Variants in PIGF observed in about 807,000 individuals in gnomAD.
The protein encoded by PIGF is GPI ethanolamine phosphate transferase, stabilizing subunit.
In PIGF, 23 loss-of-function variants were observed where a neutral mutation model predicts 26.0. The observed-to-expected ratio is 0.88, with a 90% CI of 0.64 to 1.25. The LOEUF (loss-of-function observed/expected upper bound fraction) is 1.25, where lower values mean the gene tolerates loss of function less well. Ranked by LOEUF, PIGF falls within the 50% of genes most tolerant of loss-of-function variation. The pLI, the probability that PIGF is intolerant of heterozygous loss-of-function variation, is 0.00. For missense variants in PIGF, 278 were observed against 249.9 expected (o/e 1.11, Z -0.76); for synonymous variants, 93 against 92.6 (o/e 1.00, Z -0.03).
At chr2:46,604,365 A>C (rs971453921) in intron 4 of PIGF, among the ~76,000 whole-genome samples, 2 of 152,046 alleles carry the variant, frequency 1.3e-5, no homozygotes, top group African/African-American at 2.4e-5. Flanking sequence ...TATATACCCA[A>C]AAGAAAGGAA....
chr2:46,588,342 T>C lies in PIGF; in HGVS notation c.546+4133A>G. 2 of 904,668 alleles carry C rather than the reference T, an allele frequency of 2.2e-6. No individual in the cohort carries two copies. The highest frequency in any genetic ancestry group is 2.8e-5 in the East Asian group (1 of 36,340). The allele number at this position is 904,668 out of a possible 1,614,324, so 56.0% of individuals were successfully genotyped here. ...AAACTGAGACAATTAACATATTCTC[T>C]AATATATGAGAACTCAAATAAATCA... On this transcript the variant is annotated intron_variant, in intron 5 of 5. Transcript: ENST00000281382. The surrounding 1 kb of genome is among the most constrained non-coding windows in gnomAD (Gnocchi z 4.1).
chr2:46,606,530 T>A (rs574119551), intron 4 of PIGF, among the ~76,000 whole-genome samples: 1 of 152,340 alleles, frequency 6.6e-6, no homozygotes, highest in East Asian at 1.9e-4. Context: ...TTTAGGTAAT[T>A]TTCAATGCTG....
chr2:46,593,859 A>C (rs1352372436), intron 4 of PIGF, among the ~76,000 whole-genome samples: 1 of 152,228 alleles, frequency 6.6e-6, no homozygotes, highest in Non-Finnish European at 1.5e-5. Flanking sequence ...CAAAATGTAC[A>C]CTGAATTTTA....
chr2:46,608,634 A>G (rs1020666168), intron 4 of PIGF, among the ~76,000 whole-genome samples: 1 of 152,252 alleles, frequency 6.6e-6, no homozygotes, highest in African/African-American at 2.4e-5. Flanking sequence ...CTTGAAAATC[A>G]AAATTACTCC....
intron 4 of PIGF, among the ~76,000 whole-genome samples, chr2:46,609,157 C>T (rs1670320033): frequency 6.6e-6 from 1 of 152,250 alleles, no homozygotes; most frequent in Non-Finnish European, 1.5e-5. Flanking sequence ...TAACTTGCTC[C>T]AGCTTCTACA....
At chr2:46,613,571 G>T in intron 3 of PIGF, 123 bp downstream of exon 3, 8 of 624,216 alleles carry the variant, frequency 1.3e-5, no homozygotes, top group Non-Finnish European at 1.6e-5. Flanking sequence ...AATGATGTTG[G>T]TGTCCTTACT....
At chr2:46,616,640 T>C (rs1670641156) in intron 1 of PIGF, 1 of 155,158 alleles carries the variant, frequency 6.4e-6, no homozygotes, top group Admixed American at 6.3e-5. Context: ...TTCGCGGGCA[T>C]CGCCGCACCT....
At chr2:46,607,905 C>T (rs1670276088) in intron 4 of PIGF, among the ~76,000 whole-genome samples, 2 of 152,132 alleles carry the variant, frequency 1.3e-5, no homozygotes, top group Admixed American at 1.3e-4. Flanking sequence ...ACCATGTTGG[C>T]CAGGCTGGTC....
chr2:46,600,412 C>G (rs1454952529), intron 4 of PIGF, among the ~76,000 whole-genome samples: 1 of 152,036 alleles, frequency 6.6e-6, no homozygotes, highest in African/African-American at 2.4e-5. Flanking sequence ...CAAAGATATA[C>G]CTAACAACAT....
At chr2:46,585,844 G>A (rs1331688683) in intron 5 of PIGF, among the ~76,000 whole-genome samples, 1 of 152,056 alleles carries the variant, frequency 6.6e-6, no homozygotes, top group Admixed American at 6.6e-5. Context: ...CACAATCTCG[G>A]CTCACTGCAA....
chr2:46,612,232 T>G lies in PIGF; in HGVS notation c.433A>C (p.Asn145His), dbSNP rs1333042075. The G allele has an allele frequency of 1.8e-6, 2 of 1,081,566 alleles. No homozygotes were observed. Among genetic ancestry groups the G allele is most frequent in the African/African-American group, 1.7e-5 (1 of 60,480 alleles). The allele number at this position is 1,081,566 out of a possible 1,614,324, so 67.0% of individuals were successfully genotyped here. A position where few individuals can be genotyped will look rare whatever the true frequency, so the allele number is the denominator to read the frequency against. Residue 145 changes from asparagine to histidine, a missense_variant, in exon 4 of 6, where the codon AAT becomes CAT. Physicochemically the swap from Asn to His is moderately conservative, Grantham distance 68. Transcript: ENST00000281382. Reference protein sequence around the residue: ...LKAWLRVFSRNGVTSIWENSL... With the variant: ...LKAWLRVFSRHGVTSIWENSL... ...TAATATAAAATTAAAACTTACCCAT[T>G]TCTACTGAACACTCTTAGCCATGCT...
In PIGF at chr2:46,588,278, A is replaced by G; in HGVS notation, c.546+4197T>C. 1 of 1,457,050 alleles carries G rather than the reference A, an allele frequency of 6.9e-7. No individual in the cohort carries two copies. The allele number at this position is 1,457,050 out of a possible 1,614,324, so 90.3% of individuals were successfully genotyped here. A position where few individuals can be genotyped will look rare whatever the true frequency, so the allele number is the denominator to read the frequency against. ...AATAGATAAATTAACAGTCCACTCT[A>G]CCAACTGAAAGACTGCTGGGCAGAA... On this transcript the variant is annotated intron_variant, in intron 5 of 5. Coordinates refer to ENST00000281382, the MANE Select transcript of PIGF (RefSeq NM_002643.4). The surrounding 1 kb of genome is among the most constrained non-coding windows in gnomAD (Gnocchi z 4.1).
At chr2:46,602,809 T>C (rs543584899) in intron 4 of PIGF, among the ~76,000 whole-genome samples, 12 of 152,006 alleles carry the variant, frequency 7.9e-5, no homozygotes, top group African/African-American at 2.9e-4. Context: ...ACAATCTCCT[T>C]GAATAATAAT....
intron 4 of PIGF, among the ~76,000 whole-genome samples, chr2:46,599,346 T>A (rs1669986960): frequency 6.6e-6 from 1 of 152,192 alleles, no homozygotes; most frequent in Admixed American, 6.5e-5. Flanking sequence ...AACTGGAGAA[T>A]CCCTTCATTT....
chr2:46,616,878 C>T, intron 1 of PIGF, 92 bp downstream of exon 1: 1 of 321,100 alleles, frequency 3.1e-6, no homozygotes, highest in Non-Finnish European at 5.9e-6. Flanking sequence ...GCCGGCGGGT[C>T]GGGGCGCCAA....
intron 5 of PIGF, chr2:46,592,010 C>A: frequency 7.8e-7 from 1 of 1,274,074 alleles, no homozygotes; most frequent in Non-Finnish European, 1.0e-6. Context: ...CAATAAATAT[C>A]AAAGTTGAAA....
At chr2:46,605,698 A>G (rs1387859770) in intron 4 of PIGF, among the ~76,000 whole-genome samples, 2 of 152,054 alleles carry the variant, frequency 1.3e-5, no homozygotes, top group East Asian at 3.9e-4. Context: ...ATCCTCAATT[A>G]CTGGAGTCGT....
intron 4 of PIGF, among the ~76,000 whole-genome samples, chr2:46,595,548 G>A (rs965520297): frequency 1.3e-5 from 2 of 152,154 alleles, no homozygotes; most frequent in African/African-American, 4.8e-5. Flanking sequence ...TATGAATAAT[G>A]TTGCTATGAA....
chr2:46,594,537 T>G (rs1669821098), intron 4 of PIGF, among the ~76,000 whole-genome samples: 1 of 13,862 alleles, frequency 7.2e-5, no homozygotes, highest in Admixed American at 9.5e-4. Flanking sequence ...AGAGTTAGGA[T>G]TTTTTTTTTT....
Sources: allele counts gnomAD v4.1 joint callset (sites outside exome capture counted in the v4.1 genomes callset), GRCh38; gene constraint gnomAD v4.1.1; non-coding constraint Gnocchi (gnomAD v3.1); transcripts MANE v1.5; gene names NCBI Gene and HGNC (gene_info 2026-07-23, HGNC 2026-07-21).